Variants in BABAM1 observed in about 807,000 individuals in gnomAD.
BABAM1 encodes the protein BRISC and BRCA1 A complex member 1, also known as BRISC and BRCA1-A complex member 1.
BABAM1 carries 14 observed loss-of-function variants against 34.4 expected under a neutral mutation model. The ratio of observed to expected loss-of-function variants is 0.41; its 90% CI spans 0.27 to 0.64. The LOEUF (loss-of-function observed/expected upper bound fraction) is 0.64, where lower values mean the gene tolerates loss of function less well. Ranked by LOEUF, BABAM1 falls within the 30% of genes least tolerant of loss-of-function variation. BABAM1 has a pLI of 0.34. For synonymous variants in BABAM1, 169 were observed against 165.8 expected (o/e 1.02, Z -0.15); for missense variants, 393 against 434.0 (o/e 0.91, Z 0.84).
intron 2 of BABAM1, among the ~76,000 whole-genome samples, chr19:17,269,297 T>C (rs1415502199): frequency 6.6e-6 from 1 of 151,572 alleles, no homozygotes; most frequent in South Asian, 2.1e-4. Flanking sequence ...CCATGGCCCC[T>C]CAGGAGGCTC....
intron 6 of BABAM1, 128 bp from the exon 7 acceptor site, chr19:17,276,367 A>G (rs34084277): frequency 0.17 from 243,582 of 1,413,158 alleles, 22,299 homozygotes; most frequent in Non-Finnish European, 0.18. Flanking sequence ...CCTCACAGGC[A>G]GCAGTGAACT....
intron 3 of BABAM1, among the ~76,000 whole-genome samples, chr19:17,273,564 GT>G (rs754203595): frequency 2.0e-4 from 9 of 45,922 alleles, no homozygotes; most frequent in Non-Finnish European, 3.1e-4. Context: ...TGTTTGTTTT[GT>G]TTTTTTTTTT....
chr19:17,269,145 G>T, intron 2 of BABAM1, 54 bp downstream of exon 2: 1 of 1,489,296 alleles, frequency 6.7e-7, no homozygotes, highest in Non-Finnish European at 8.9e-7. Context: ...CTAGCATCTT[G>T]TCTTTTGGGA....
At chr19:17,276,395 G>T in intron 6 of BABAM1, 100 bp from the exon 7 acceptor site, 1 of 1,523,634 alleles carries the variant, frequency 6.6e-7, no homozygotes, top group South Asian at 1.2e-5. Flanking sequence ...CATCAGTGGG[G>T]CCTCACCTGC....
At chr19:17,273,615 C>T (rs569553872) in intron 3 of BABAM1, among the ~76,000 whole-genome samples, 29 of 141,262 alleles carry the variant, frequency 2.1e-4, no homozygotes, top group African/African-American at 6.9e-4. Flanking sequence ...CCAGGCTGGA[C>T]TGCAGTGGCG....
In BABAM1 at chr19:17,271,666, C is replaced by G. The variant is rs766585966; in HGVS notation, c.344+11C>G. ...GGAGTCGTTCAACGGGTAAGAGGGA[C>G]ATTTTAGGGCTTGAACATGCAGCCA... On this transcript the variant is annotated intron_variant, in intron 3 of 8. Coordinates refer to ENST00000598188, the MANE Select transcript of BABAM1 (RefSeq NM_014173.4). 6.2e-7 allele frequency: 1 copy of G among 1,613,114 alleles called. No individual in the cohort carries two copies. Among genetic ancestry groups the G allele is most frequent in the South Asian group, 1.1e-5 (1 of 91,000 alleles).
Position 17,269,100 on chromosome 19 carries a change from A to G in BABAM1, c.285+9A>G, listed in dbSNP as rs778850498. On this transcript the variant is annotated intron_variant, in intron 2 of 8. Transcript: ENST00000598188. Reference sequence around the variant, plus strand: ...ACTGTCCAGAGAAAGTGGTAAGTAGAGGGGGTGGCCTGGGGCTCTGAGATG... The same window carrying G: ...ACTGTCCAGAGAAAGTGGTAAGTAGGGGGGGTGGCCTGGGGCTCTGAGATG... 1.9e-6 allele frequency: 3 copies of G among 1,590,972 alleles called. No individual in the cohort carries two copies. Among genetic ancestry groups the G allele is most frequent in the Admixed American group, 3.5e-5 (2 of 57,806 alleles).
In BABAM1 at chr19:17,276,883, GAGA is replaced by G. The variant is rs1251187373; in HGVS notation, c.763_765del (p.Lys255del). 2.5e-6 allele frequency: 4 copies of G among 1,601,160 alleles called. No individual in the cohort carries two copies. The highest frequency in any genetic ancestry group is 3.3e-4 in the Middle Eastern group (2 of 6,038). On this transcript the variant is annotated inframe_deletion, in exon 8 of 9. Transcript: ENST00000598188. ...TGTTTACATCCACAATGGCACTGAG[GAGA>G]AGGAGGAGGAGATGAGTTGGAAGGT... is the stretch of plus-strand genomic sequence containing the variant.
At chr19:17,276,731 C>A in intron 7 of BABAM1, 92 bp from the exon 8 acceptor site, 1 of 1,554,402 alleles carries the variant, frequency 6.4e-7, no homozygotes, top group East Asian at 2.4e-5. Flanking sequence ...GAGGTAAGTT[C>A]CCAGAGTCTG....
chr19:17,278,872 G>T lies in BABAM1; in HGVS notation c.814G>T (p.Asp272Tyr), dbSNP rs770015794. 6.2e-7 allele frequency: 1 copy of T among 1,613,382 alleles called. No individual in the cohort carries two copies. The highest frequency in any genetic ancestry group is 8.5e-7 in the Non-Finnish European group (1 of 1,179,738). Residue 272 changes from aspartate (D) to tyrosine (Y), a missense_variant, in exon 9 of 9, where the codon GAT becomes TAT. Asp to Tyr is a radical substitution (Grantham distance 160). Coordinates refer to ENST00000598188, the MANE Select transcript of BABAM1 (RefSeq NM_014173.4). ...KDMFAFMGSLDTKGTSYKYEV... is the reference protein window; with the variant it reads ...KDMFAFMGSLYTKGTSYKYEV... The stretch of plus-strand genomic sequence containing the variant: ...TATGTTTGCCTTCATGGGCAGCCTG[G>T]ATACCAAGGGTACCAGCTACAAGTA...
chr19:17,270,726 C>T (rs1193250101), intron 2 of BABAM1, among the ~76,000 whole-genome samples: 2 of 151,478 alleles, frequency 1.3e-5, no homozygotes, highest in African/African-American at 2.4e-5. Context: ...CTCGCTCTGT[C>T]GCCCAGGCTG....
rs2073885019 is a variant in BABAM1 at position 17,274,482 on chromosome 19, C to T, written c.544+297C>T. On this transcript the variant is annotated intron_variant, in intron 5 of 8. Coordinates refer to ENST00000598188, the MANE Select transcript of BABAM1 (RefSeq NM_014173.4). The stretch of plus-strand genomic sequence containing the variant: ...ACTTGCGAGGCTGAGGCACAAGAAT[C>T]ACTTGAGTCCGGGAGGCGGAGGTTG... The T allele has an allele frequency of 2.6e-5, 10 of 383,296 alleles. No individual in the cohort carries two copies. The South Asian group carries it at 2.9e-4, about 11-fold the overall frequency. The allele number at this position is 383,296 out of a possible 1,614,324, so 23.7% of individuals were successfully genotyped here.
At position 17,268,879 on chromosome 19, in the gene BABAM1, C is replaced by T; in HGVS notation, c.73C>T (p.Pro25Ser). The T allele has an allele frequency of 6.3e-7, 1 of 1,598,442 alleles. No homozygotes were observed. The highest frequency in any genetic ancestry group is 1.1e-5 in the South Asian group (1 of 88,544). Residue 25 changes from proline (P) to serine (S), a missense_variant, in exon 2 of 9, where the codon CCC becomes TCC. Pro to Ser is a moderately conservative substitution (Grantham distance 74). Coordinates refer to ENST00000598188, the MANE Select transcript of BABAM1 (RefSeq NM_014173.4). The part of the protein sequence containing the change: ...EEEEHSAEPR[P>S]RTRSNPEGAE... Reference sequence around the variant, plus strand: ...AGAGGAGCACTCGGCAGAGCCTCGGCCCCGCACTCGCTCCAATCCTGAAGG... The same window carrying T: ...AGAGGAGCACTCGGCAGAGCCTCGGTCCCGCACTCGCTCCAATCCTGAAGG...
intron 3 of BABAM1, among the ~76,000 whole-genome samples, chr19:17,273,564 G>GTTTTGTTT (rs1555716590): frequency 0.044 from 2,033 of 45,794 alleles, 81 homozygotes; most frequent in African/African-American, 0.13. Context: ...TGTTTGTTTT[G>GTTTTGTTT]TTTTTTTTTT....
chr19:17,279,159 C>T lies in BABAM1; in HGVS notation c.*111C>T, dbSNP rs549404788. Reference sequence around the variant, plus strand: ...CGGGGTGGGGGGGTTCCAGGAGGCACGTAGGGTACCTTGCAGGGTCCTAGG... The same window carrying T: ...CGGGGTGGGGGGGTTCCAGGAGGCATGTAGGGTACCTTGCAGGGTCCTAGG... On this transcript the variant is annotated 3_prime_UTR_variant, in exon 9 of 9. Transcript: ENST00000598188. The T allele has an allele frequency of 9.6e-5, 111 of 1,151,082 alleles. No homozygotes were observed. The East Asian group carries it at 2.0e-3, about 21-fold the overall frequency. The allele number at this position is 1,151,082 out of a possible 1,614,324, so 71.3% of individuals were successfully genotyped here.
rs558937046 is a variant in BABAM1, at chr19:17,274,127, C to T, written c.486C>T (p.Asp162=). 12 of 1,613,718 alleles carry T rather than the reference C, an allele frequency of 7.4e-6. No homozygotes were observed. The highest frequency in any genetic ancestry group is 1.7e-4 in the Middle Eastern group (1 of 5,986). The change falls in exon 5 of 9, where the codon GAC becomes GAT. Residue 162 remains aspartate (D), a synonymous_variant. Transcript: ENST00000598188. ...DTAWLSGLTS[D]PRELCSCLYD... is the part of the protein sequence containing the mutation. ...TGCAGCTGTCTGGCCTGACCTCCGA[C>T]CCCCGCGAGCTCTGTAGCTGCCTCT...
At chr19:17,276,329 C>T in intron 6 of BABAM1, 166 bp from the exon 7 acceptor site, 4 of 1,035,952 alleles carry the variant, frequency 3.9e-6, no homozygotes, top group Non-Finnish European at 4.2e-6. Flanking sequence ...GGAACATGCT[C>T]AGGGCAGAGG....
intron 3 of BABAM1, among the ~76,000 whole-genome samples, chr19:17,273,556 TTTGTTTTG>T (rs1218698124): frequency 8.6e-5 from 1 of 11,666 alleles, no homozygotes; most frequent in Non-Finnish European, 2.5e-4. Context: ...TTTTTTTTTG[TTTGTTTTG>T]TTTTTTTTTT....
intron 2 of BABAM1, among the ~76,000 whole-genome samples, chr19:17,270,083 A>G (rs1027900696): frequency 6.6e-6 from 1 of 152,008 alleles, no homozygotes. Context: ...GGCGCCCGCT[A>G]CTACGCCTGG....
Sources: gnomAD v4.1 joint callset for allele counts (sites outside exome capture counted in the v4.1 genomes callset) on GRCh38, gnomAD v4.1.1 for gene constraint, MANE v1.5 for transcripts, NCBI Gene and HGNC (gene_info 2026-07-23, HGNC 2026-07-21) for gene names.